CAND1: variants seen among roughly 807,000 people sequenced by gnomAD.
The protein encoded by CAND1 is cullin associated and neddylation dissociated 1, also known as cullin-associated NEDD8-dissociated protein 1.
In CAND1, 7 loss-of-function variants were observed where a neutral mutation model predicts 108.5. The ratio of observed to expected loss-of-function variants is 0.06; its 90% confidence interval spans 0.04 to 0.12. The LOEUF is 0.12. Among genes scored for constraint, CAND1 ranks in the 10% least tolerant of loss-of-function variants. CAND1 has a pLI of 1.00. For synonymous variants in CAND1, 534 were observed against 512.0 expected, an observed-to-expected ratio of 1.04 and a Z score of -0.58; for missense variants, 941 against 1,448.7, an observed-to-expected ratio of 0.65 and a Z score of 5.69.
intron 11 of CAND1, among the ~76,000 whole-genome samples, chr12:67,309,151 T>C (rs1022189654): frequency 1.1e-4 from 17 of 152,146 alleles, no homozygotes; most frequent in East Asian, 5.8e-4. Flanking sequence ...CTGAGGTTCT[T>C]GCCTAAAGTA....
At position 67,283,600 on chromosome 12, in the gene CAND1, G is replaced by A. The variant is rs562922548; in HGVS notation, c.212+1547G>A. ...TGTGTCTCAAAAAAAAAAAAAAAAG[G>A]TGTTATAGAATGATACAGATCAGTC... is the stretch of plus-strand genomic sequence containing the variant. On this transcript the variant is annotated intron_variant, in intron 2 of 14. Coordinates refer to ENST00000545606, the MANE Select transcript of CAND1 (RefSeq NM_018448.5). Among the ~76,000 whole-genome samples the A allele has an allele frequency of 4.6e-3, 688 of 149,692 alleles. 13 individuals are homozygous for A. Among genetic ancestry groups the A allele is most frequent in the Non-Finnish European group, 4.7e-3 (319 of 67,516 alleles).
chr12:67,294,900 T>A, intron 3 of CAND1, 133 bp from the exon 4 acceptor site: 2 of 808,798 alleles, frequency 2.5e-6, no homozygotes, highest in South Asian at 4.3e-5. Flanking sequence ...TTGAAAGATG[T>A]GTTTTTCTGC....
At chr12:67,291,793 G>A (rs991499213) in intron 2 of CAND1, among the ~76,000 whole-genome samples, 3 of 152,168 alleles carry the variant, frequency 2.0e-5, no homozygotes, top group African/African-American at 7.2e-5. Flanking sequence ...GATGAGGGAT[G>A]CTAAATCTAT....
Position 67,269,650 on chromosome 12 carries a change from G to GGCGGCGGCGGCA in CAND1, c.-62_-51dup. The GGCGGCGGCGGCA allele has an allele frequency of 2.1e-6, 3 of 1,400,892 alleles. No individual in the cohort carries two copies. The highest frequency in any genetic ancestry group is 2.0e-6 in the Non-Finnish European group (2 of 1,008,150). The allele number at this position is 1,400,892 out of a possible 1,614,324, so 86.8% of individuals were successfully genotyped here. Reference sequence around the variant, plus strand: ...CGAGAGGAGGAGCTCCAGTGGCGGCGGCGGCGGCGGCAGCGGCAGCGGGCA... The same window carrying GGCGGCGGCGGCA: ...CGAGAGGAGGAGCTCCAGTGGCGGCGGCGGCGGCGGCAGCGGCGGCGGCAGCGGCAGCGGGCA... On this transcript the variant is annotated 5_prime_UTR_variant, in exon 1 of 15. Coordinates refer to ENST00000545606, the MANE Select transcript of CAND1 (RefSeq NM_018448.5).
chr12:67,285,568 A>G (rs965819427), intron 2 of CAND1, among the ~76,000 whole-genome samples: 3 of 152,170 alleles, frequency 2.0e-5, no homozygotes, highest in Admixed American at 6.5e-5. Flanking sequence ...GTAGTGGGGC[A>G]TTCATAGACC....
intron 3 of CAND1, 189 bp from the exon 4 acceptor site, chr12:67,294,844 A>G: frequency 2.5e-6 from 1 of 403,880 alleles, no homozygotes; most frequent in African/African-American, 2.1e-5. Context: ...ATTTGGTCTA[A>G]TTCTTGTTTA....
At chr12:67,293,182 A>C (rs2044737481) in intron 3 of CAND1, 1 of 183,850 alleles carries the variant, frequency 5.4e-6, no homozygotes, top group African/African-American at 2.4e-5. Context: ...ATGTAACACC[A>C]TTCAGACATA....
At chr12:67,292,223 A>G (rs1433674356) in intron 2 of CAND1, among the ~76,000 whole-genome samples, 1 of 152,090 alleles carries the variant, frequency 6.6e-6, no homozygotes, top group African/African-American at 2.4e-5. Context: ...TTGTAGTCCT[A>G]GTTACTCAGG....
intron 6 of CAND1, 77 bp from the exon 7 acceptor site, chr12:67,298,873 A>G: frequency 2.4e-6 from 2 of 847,086 alleles, no homozygotes; most frequent in South Asian, 2.8e-5. Context: ...ATTGCTGGTA[A>G]TAAAGCAAAA....
rs989965583 is a variant in CAND1 at position 67,313,370 on chromosome 12, G to T, written c.*540G>T. ...TTGGCAATTTTTAAAAGATAATAAG[G>T]TATCATTTTTAAGTATGAAAATTAA... is the stretch of plus-strand genomic sequence containing the variant. On this transcript the variant is annotated 3_prime_UTR_variant, in exon 15 of 15. Transcript: ENST00000545606. 5.2e-5 allele frequency: 8 copies of T among 152,530 alleles called. No homozygotes were observed. The highest frequency in any genetic ancestry group is 1.9e-4 in the African/African-American group (8 of 41,440). The allele number at this position is 152,530 out of a possible 1,614,324, so 9.4% of individuals were successfully genotyped here.
In CAND1 at chr12:67,306,026, G is replaced by A; in HGVS notation, c.2358G>A (p.Gln786=). ...LRMLTGPVYS[Q]STALTHKQSY... ...TGCTGACTGGTCCAGTTTACTCTCA[G>A]AGCACAGCTCTTACTCATAAGCAGT... The change falls in exon 10 of 15, where the codon CAG becomes CAA. Residue 786 remains glutamine, a synonymous_variant. Transcript: ENST00000545606. The A allele has an allele frequency of 6.2e-7, 1 of 1,614,114 alleles. No homozygotes were observed. The highest frequency in any genetic ancestry group is 8.5e-7 in the Non-Finnish European group (1 of 1,180,012).
At chr12:67,291,874 G>A (rs1045729784) in intron 2 of CAND1, among the ~76,000 whole-genome samples, 12 of 152,134 alleles carry the variant, frequency 7.9e-5, no homozygotes, top group Middle Eastern at 3.4e-3. Flanking sequence ...CCTATTGATT[G>A]ATTGATTAAT....
At chr12:67,306,640 A>C (rs754758449) in intron 10 of CAND1, 43 bp downstream of exon 10, 2 of 1,467,832 alleles carry the variant, frequency 1.4e-6, no homozygotes, top group South Asian at 2.7e-5. Context: ...TTTTATTGAT[A>C]GTTGGTTGCC....
intron 2 of CAND1, among the ~76,000 whole-genome samples, chr12:67,287,857 A>ATTTTTTTTTTTTTT (rs34177330): frequency 7.1e-5 from 8 of 112,554 alleles, no homozygotes; most frequent in Admixed American, 9.8e-5. Flanking sequence ...TTTTGATGTG[A>ATTTTTTTTTTTTTT]TTTTTTTTTT....
At chr12:67,304,874 T>A in intron 9 of CAND1, 128 bp downstream of exon 9, 1 of 1,134,180 alleles carries the variant, frequency 8.8e-7, no homozygotes, top group Middle Eastern at 2.3e-4. Context: ...TAGAGCTAAC[T>A]TTTTAATCTA....
chr12:67,305,088 T>C lies in CAND1; in HGVS notation c.1436-16T>C. ...AGTCTGCACAGCAATGATTGGATTT[T>C]TTGTTGGCTTTTTAGGAATCATTTT... On this transcript the variant is annotated splice_polypyrimidine_tract_variant and intron_variant, in intron 9 of 14. Transcript: ENST00000545606. This position sits in a 1 kb window ranked among gnomAD's most constrained non-coding sequence, Gnocchi z 4.4. The C allele has an allele frequency of 6.3e-7, 1 of 1,597,628 alleles. No homozygotes were observed. The highest frequency in any genetic ancestry group is 8.5e-7 in the Non-Finnish European group (1 of 1,172,682).
chr12:67,300,901 A>G (rs746938232), intron 7 of CAND1, among the ~76,000 whole-genome samples: 3 of 152,176 alleles, frequency 2.0e-5, no homozygotes, highest in Non-Finnish European at 2.9e-5. Flanking sequence ...TGTGTGCTGT[A>G]TAACAAACTA....
At chr12:67,289,691 C>T (rs912506171) in intron 2 of CAND1, among the ~76,000 whole-genome samples, 1 of 152,192 alleles carries the variant, frequency 6.6e-6, no homozygotes, top group Non-Finnish European at 1.5e-5. Flanking sequence ...AGCTAGAACT[C>T]TTTAAATTCA....
chr12:67,299,533 G>C (rs1053640421), intron 7 of CAND1, among the ~76,000 whole-genome samples: 1 of 152,110 alleles, frequency 6.6e-6, no homozygotes, highest in Admixed American at 6.6e-5. Context: ...GTTTTAGAAA[G>C]AATTGAATCT....
Sources: allele counts gnomAD v4.1 joint callset (sites outside exome capture counted in the v4.1 genomes callset), GRCh38; gene constraint gnomAD v4.1.1; non-coding constraint Gnocchi (gnomAD v3.1); transcripts MANE v1.5; gene names NCBI Gene and HGNC (gene_info 2026-07-23, HGNC 2026-07-21).